The following AIDA variants were observed in gnomAD, a reference collection of about 807,000 sequenced individuals.
AIDA encodes axin interactor, dorsalization-associated protein.
AIDA carries 18 observed loss-of-function variants against 42.7 expected under a neutral mutation model. The ratio of observed to expected loss-of-function variants is 0.42; its 90% CI spans 0.29 to 0.63. The LOEUF (loss-of-function observed/expected upper bound fraction) is 0.63. Among genes scored for constraint, AIDA ranks in the 20% least tolerant of loss-of-function variants. The pLI, the probability that AIDA is intolerant of heterozygous loss-of-function variation, is 0.19. For synonymous variants in AIDA, 104 were observed against 122.9 expected (o/e 0.85, Z 1.02); for missense variants, 250 against 354.1 (o/e 0.71, Z 2.36).
chr1:222,695,286 G>A lies in AIDA; in HGVS notation c.181-1023C>T, dbSNP rs555540848. On this transcript the variant is annotated intron_variant, in intron 2 of 9. Coordinates refer to ENST00000340020, the MANE Select transcript of AIDA (RefSeq NM_022831.4). ...GCAGGCAGATCACTTGAGGTTGGGG[G>A]TTCAAGACCAGCCTGGCCAACATGG... is the stretch of plus-strand genomic sequence containing the variant. Among the ~76,000 whole-genome samples the A allele has an allele frequency of 4.1e-4, 62 of 152,326 alleles. No homozygotes were observed. The South Asian group carries it at 5.6e-3, about 14-fold the overall frequency.
intron 8 of AIDA, among the ~76,000 whole-genome samples, chr1:222,670,479 T>C (rs1450770913): frequency 2.6e-5 from 4 of 152,124 alleles, no homozygotes; most frequent in Admixed American, 1.3e-4. Flanking sequence ...CTACAAACTA[T>C]AGCAAAACTT....
intron 2 of AIDA, among the ~76,000 whole-genome samples, chr1:222,697,485 A>T (rs914318218): frequency 4.6e-5 from 7 of 151,454 alleles, no homozygotes; most frequent in Non-Finnish European, 1.0e-4. Flanking sequence ...ATTAAGAAGC[A>T]CAAGTTCACA....
At chr1:222,689,483 A>G (rs113632994) in intron 4 of AIDA, among the ~76,000 whole-genome samples, 9,108 of 28,448 alleles carry the variant, frequency 0.32, 831 homozygotes, top group African/African-American at 0.5. Context: ...GTGTGTGTGT[A>G]TATATATATA....
At chr1:222,704,090 G>A (rs1655779963) in intron 1 of AIDA, among the ~76,000 whole-genome samples, 1 of 152,126 alleles carries the variant, frequency 6.6e-6, no homozygotes. Flanking sequence ...AAATCACAAT[G>A]AGCTATCACT....
intron 3 of AIDA, among the ~76,000 whole-genome samples, 174 bp from the exon 4 acceptor site, chr1:222,694,017 A>G (rs1655448610): frequency 6.6e-6 from 1 of 152,202 alleles, no homozygotes. Context: ...GGCCAAAAAT[A>G]ACAGAAAAAA....
intron 4 of AIDA, among the ~76,000 whole-genome samples, chr1:222,692,043 C>T (rs1417186942): frequency 6.6e-6 from 1 of 152,044 alleles, no homozygotes; most frequent in Non-Finnish European, 1.5e-5. Context: ...GAAAAACAAT[C>T]CTTTCTTATT....
chr1:222,679,905 A>G (rs1664622944), intron 6 of AIDA, among the ~76,000 whole-genome samples: 1 of 152,224 alleles, frequency 6.6e-6, no homozygotes, highest in Non-Finnish European at 1.5e-5. Context: ...TTTCTGCCTC[A>G]CACTTCTAAA....
At chr1:222,676,259 C>T (rs1664541541) in intron 6 of AIDA, 41 bp from the exon 7 acceptor site, 1 of 1,570,462 alleles carries the variant, frequency 6.4e-7, no homozygotes, top group Non-Finnish European at 8.6e-7. Context: ...CATATCATTT[C>T]ACAGTAAACA....
chr1:222,695,322 T>C (rs900861570), intron 2 of AIDA, among the ~76,000 whole-genome samples: 1 of 152,146 alleles, frequency 6.6e-6, no homozygotes, highest in Non-Finnish European at 1.5e-5. Context: ...CGAAACTCTG[T>C]CTCTACTAAA....
At chr1:222,683,918 C>A (rs1316093482) in intron 6 of AIDA, among the ~76,000 whole-genome samples, 1 of 151,746 alleles carries the variant, frequency 6.6e-6, no homozygotes, top group East Asian at 1.9e-4. Flanking sequence ...AGCTTGACTA[C>A]CTTTTTTTTA....
chr1:222,696,615 G>A (rs566401545), intron 2 of AIDA, among the ~76,000 whole-genome samples: 1 of 152,158 alleles, frequency 6.6e-6, no homozygotes, highest in South Asian at 2.1e-4. Context: ...ATTCAGGGTG[G>A]TATGGTGGCA....
intron 7 of AIDA, 108 bp from the exon 8 acceptor site, chr1:222,673,543 G>A (rs908078534): frequency 2.2e-5 from 16 of 733,390 alleles, no homozygotes; most frequent in Non-Finnish European, 3.2e-5. Context: ...TTGGGAGGCC[G>A]AGGCGGGCAG....
intron 7 of AIDA, among the ~76,000 whole-genome samples, chr1:222,673,821 C>T (rs1664494694): frequency 1.3e-5 from 2 of 151,548 alleles, no homozygotes; most frequent in African/African-American, 4.9e-5. Flanking sequence ...CGGTGGCTCA[C>T]ACCTGTAACC....
chr1:222,697,195 G>T (rs1044402621), intron 2 of AIDA, among the ~76,000 whole-genome samples: 2 of 151,516 alleles, frequency 1.3e-5, no homozygotes, highest in Non-Finnish European at 2.9e-5. Flanking sequence ...CACCTGCCTC[G>T]GCCTCCCAAA....
chr1:222,697,827 C>A (rs1174916705), intron 2 of AIDA, among the ~76,000 whole-genome samples: 3 of 150,654 alleles, frequency 2.0e-5, no homozygotes, highest in Non-Finnish European at 4.4e-5. Flanking sequence ...TACTGTCCAG[C>A]TGGGAGCTGG....
In AIDA at chr1:222,690,756, C is replaced by G. The variant is rs1268265359; in HGVS notation, c.289+3033G>C. ...ATATATATAATCTTATATACATAATCCACAGTATATTCATTCTTATGTATG... is the reference window on the plus strand; with the variant it reads ...ATATATATAATCTTATATACATAATGCACAGTATATTCATTCTTATGTATG... On this transcript the variant is annotated intron_variant, in intron 4 of 9. Transcript: ENST00000340020. Among the ~76,000 whole-genome samples, 4 of 151,786 alleles carry G rather than the reference C, an allele frequency of 2.6e-5. No individual in the cohort carries two copies. The East Asian group carries it at 7.7e-4, about 29-fold the overall frequency.
chr1:222,688,172 A>T (rs1350059175), intron 4 of AIDA, among the ~76,000 whole-genome samples: 1 of 152,174 alleles, frequency 6.6e-6, no homozygotes, highest in Non-Finnish European at 1.5e-5. Context: ...GTGAGCCATG[A>T]TCACGCCATT....
At chr1:222,676,585 G>A (rs892934414) in intron 6 of AIDA, among the ~76,000 whole-genome samples, 58 of 152,018 alleles carry the variant, frequency 3.8e-4, no homozygotes, top group African/African-American at 1.4e-3. Flanking sequence ...AGTGGTAGAA[G>A]AAAAAACTTT....
chr1:222,689,567 A>G (rs530190282), intron 4 of AIDA, among the ~76,000 whole-genome samples: 1,755 of 67,426 alleles, frequency 0.026, 31 homozygotes, highest in Non-Finnish European at 0.054. Flanking sequence ...ATGTATATAT[A>G]TGTATATATA....
Sources: allele counts gnomAD v4.1 joint callset (sites outside exome capture counted in the v4.1 genomes callset), GRCh38; gene constraint gnomAD v4.1.1; transcripts MANE v1.5; gene names NCBI Gene and HGNC (gene_info 2026-07-23, HGNC 2026-07-21).